Variants in DRAXIN observed in about 807,000 individuals in gnomAD.
DRAXIN encodes dorsal inhibitory axon guidance protein.
In DRAXIN, 27 loss-of-function variants were observed where a neutral mutation model predicts 33.9. The ratio of observed to expected loss-of-function variants is 0.80; its 90% CI spans 0.59 to 1.10. DRAXIN has a LOEUF of 1.10. DRAXIN is among the 50% of genes least tolerant of loss of function. The probability of loss-of-function intolerance (pLI) is 0.00; values close to 1 mark genes in which losing one functional copy is unlikely to be tolerated. For missense variants in DRAXIN, 371 were observed against 460.8 expected (o/e 0.81, Z 1.78); for synonymous variants, 178 against 194.0 (o/e 0.92, Z 0.69).
chr1:11,717,661 C>CAAA lies in DRAXIN; in HGVS notation c.938-1912_938-1910dup, dbSNP rs34363083. Among the ~76,000 whole-genome samples the CAAA allele has an allele frequency of 5.5e-3, 687 of 124,128 alleles. 7 individuals carry two copies. The highest frequency in any genetic ancestry group is 0.012 in the South Asian group (44 of 3,804). 81.4% of individuals were successfully genotyped at this position (124,128 alleles called of 152,430 possible). ...TGGGCAACAGAGAGAGACTCCGTCT[C>CAAA]AAAAAAAAAAAAAGAAAGGGTAGAC... On this transcript the variant is annotated intron_variant, in intron 6 of 6. Coordinates refer to ENST00000294485, the MANE Select transcript of DRAXIN (RefSeq NM_198545.4).
intron 2 of DRAXIN, among the ~76,000 whole-genome samples, chr1:11,708,000 C>T (rs532504886): frequency 6.6e-6 from 1 of 152,364 alleles, no homozygotes; most frequent in Admixed American, 6.5e-5. Flanking sequence ...CACCCCTTCT[C>T]GTGCAAACAG....
In DRAXIN at chr1:11,719,814, C is replaced by T; in HGVS notation, c.*118C>T. ...GATGGCTGAGGCTGCAGACTCAGGC[C>T]CAGGACACTCAACCCCAGGAGGGGA... On this transcript the variant is annotated 3_prime_UTR_variant, in exon 7 of 7. Coordinates refer to ENST00000294485, the MANE Select transcript of DRAXIN (RefSeq NM_198545.4). 1.1e-6 allele frequency: 1 copy of T among 946,534 alleles called. No individual in the cohort carries two copies. Among genetic ancestry groups the T allele is most frequent in the South Asian group, 1.5e-5 (1 of 65,546 alleles). The allele number at this position is 946,534 out of a possible 1,614,324, so 58.6% of individuals were successfully genotyped here.
Position 11,694,796 on chromosome 1 carries a change from G to T in DRAXIN, c.-11+2943G>T, listed in dbSNP as rs1469096027. ...GGCCAGTGGTCCCCAAGAAGAAGAA[G>T]GTTGTGGGAGGATGGCTGAATCCTT... On this transcript the variant is annotated intron_variant, in intron 1 of 6. Transcript: ENST00000294485. The surrounding 1 kb of genome is among the most constrained non-coding windows in gnomAD (Gnocchi z 4.9). Among the ~76,000 whole-genome samples, 3 of 152,166 alleles carry T rather than the reference G, an allele frequency of 2.0e-5. No individual in the cohort carries two copies. The highest frequency in any genetic ancestry group is 4.4e-5 in the Non-Finnish European group (3 of 68,028).
intron 5 of DRAXIN, 114 bp from the exon 6 acceptor site, chr1:11,715,005 C>T: frequency 7.8e-7 from 1 of 1,286,202 alleles, no homozygotes; most frequent in South Asian, 1.2e-5. Flanking sequence ...CCCACCCCGC[C>T]AGGGCGCGGC....
At chr1:11,699,125 C>G (rs1178379333) in intron 1 of DRAXIN, among the ~76,000 whole-genome samples, 1 of 152,194 alleles carries the variant, frequency 6.6e-6, no homozygotes. Context: ...CGTCATAGAT[C>G]ATAAATTCTC....
chr1:11,723,825 T>G lies in DRAXIN; in HGVS notation c.*4129T>G, dbSNP rs1641689478. On this transcript the variant is annotated 3_prime_UTR_variant, in exon 7 of 7. Coordinates refer to ENST00000294485, the MANE Select transcript of DRAXIN (RefSeq NM_198545.4). ...CCAGGCTGGTCTCAAACTCCTGACCTCAGGTGATCCCCCCGTCTCAGCCTC... is the reference window on the plus strand; with the variant it reads ...CCAGGCTGGTCTCAAACTCCTGACCGCAGGTGATCCCCCCGTCTCAGCCTC... 6.6e-6 allele frequency: 1 copy of G among 152,112 alleles called. No individual in the cohort carries two copies. The highest frequency in any genetic ancestry group is 2.1e-4 in the South Asian group (1 of 4,820). The allele number at this position is 152,112 out of a possible 1,614,324, so 9.4% of individuals were successfully genotyped here.
Position 11,704,910 on chromosome 1 carries a change from G to A in DRAXIN, c.-10-1339G>A, listed in dbSNP as rs913421614. Reference sequence around the variant, plus strand: ...ACTGGGTGAAGCCACCACAGACCCTGCGAGGCTGGAGAAGGTGTTTCCCCC... The same window carrying A: ...ACTGGGTGAAGCCACCACAGACCCTACGAGGCTGGAGAAGGTGTTTCCCCC... On this transcript the variant is annotated intron_variant, in intron 1 of 6. Coordinates refer to ENST00000294485, the MANE Select transcript of DRAXIN (RefSeq NM_198545.4). The surrounding 1 kb of genome is among the most constrained non-coding windows in gnomAD (Gnocchi z 4.6). Among the ~76,000 whole-genome samples the A allele has an allele frequency of 9.2e-5, 14 of 152,172 alleles. No homozygotes were observed. The highest frequency in any genetic ancestry group is 2.1e-4 in the Non-Finnish European group (14 of 68,028).
Position 11,704,014 on chromosome 1 carries a change from G to A in DRAXIN, c.-10-2235G>A, listed in dbSNP as rs887939852. 1.3e-5 allele frequency among the ~76,000 whole-genome samples: 2 copies of A among 152,158 alleles called. No individual in the cohort carries two copies. Among genetic ancestry groups the A allele is most frequent in the Non-Finnish European group, 2.9e-5 (2 of 68,020 alleles). The stretch of plus-strand genomic sequence containing the variant: ...TAGGCTGCTCACCAGGCTCAGAGGC[G>A]GCTCTGAGGTTTACTGACAGCCTTG... On this transcript the variant is annotated intron_variant, in intron 1 of 6. Transcript: ENST00000294485. This position sits in a 1 kb window ranked among gnomAD's most constrained non-coding sequence, Gnocchi z 4.6.
chr1:11,707,567 G>A (rs1348375213), intron 2 of DRAXIN, among the ~76,000 whole-genome samples: 1 of 152,180 alleles, frequency 6.6e-6, no homozygotes, highest in Non-Finnish European at 1.5e-5. Flanking sequence ...AGCTGGCAGG[G>A]CCATGAGCAG....
chr1:11,701,708 C>T (rs749732604), intron 1 of DRAXIN, among the ~76,000 whole-genome samples: 1 of 152,098 alleles, frequency 6.6e-6, no homozygotes, highest in Non-Finnish European at 1.5e-5. Flanking sequence ...TGTGAGCAAC[C>T]CGGGCCGGGC....
At chr1:11,708,572 C>T (rs1031297242) in intron 2 of DRAXIN, among the ~76,000 whole-genome samples, 1 of 151,908 alleles carries the variant, frequency 6.6e-6, no homozygotes, top group African/African-American at 2.4e-5. Flanking sequence ...GATTGAGCCC[C>T]TGCACTCCAG....
rs560201396 is a variant in DRAXIN, at chr1:11,705,542, G to A, written c.-10-707G>A. On this transcript the variant is annotated intron_variant, in intron 1 of 6. Coordinates refer to ENST00000294485, the MANE Select transcript of DRAXIN (RefSeq NM_198545.4). This position sits in a 1 kb window ranked among gnomAD's most constrained non-coding sequence, Gnocchi z 4.8. ...GGCCTCAGAGCTCATCATGAGAGGA[G>A]AAGAGAAAGGCAGAGCTGGGCCATC... is the stretch of plus-strand genomic sequence containing the variant. 5.9e-5 allele frequency among the ~76,000 whole-genome samples: 9 copies of A among 152,166 alleles called. No homozygotes were observed. The highest frequency in any genetic ancestry group is 1.2e-4 in the Non-Finnish European group (8 of 68,036).
chr1:11,709,069 T>C (rs1641434379), intron 2 of DRAXIN, among the ~76,000 whole-genome samples: 1 of 152,234 alleles, frequency 6.6e-6, no homozygotes, highest in African/African-American at 2.4e-5. Flanking sequence ...CCAGCGACAC[T>C]GCAAGTTCTT....
intron 6 of DRAXIN, among the ~76,000 whole-genome samples, chr1:11,716,399 C>A (rs1245248818): frequency 1.3e-5 from 2 of 152,202 alleles, no homozygotes; most frequent in Non-Finnish European, 2.9e-5. Context: ...GACAAGTACT[C>A]TTTTAAAAAC....
rs1641554159 is a variant in DRAXIN, at chr1:11,715,043, C to T, written c.848-76C>T. The T allele has an allele frequency of 3.3e-6, 5 of 1,538,340 alleles. No individual in the cohort carries two copies. The South Asian group carries it at 5.6e-5, about 17-fold the overall frequency. ...GCCACAGAGATGATGGATCTCTTGT[C>T]CAGTGGGACCGAGTGCAGGGCTGCG... On this transcript the variant is annotated intron_variant, in intron 5 of 6. Coordinates refer to ENST00000294485, the MANE Select transcript of DRAXIN (RefSeq NM_198545.4).
In DRAXIN at chr1:11,711,979, C is replaced by T. The variant is rs1641501278; in HGVS notation, c.757+14C>T. On this transcript the variant is annotated intron_variant, in intron 4 of 6. Coordinates refer to ENST00000294485, the MANE Select transcript of DRAXIN (RefSeq NM_198545.4). The stretch of plus-strand genomic sequence containing the variant: ...CAAAGAAGAAAGGTATGCCCACCTA[C>T]CCCACTATCTTCCATGCCTGGGTGC... The T allele has an allele frequency of 7.5e-6, 12 of 1,605,288 alleles. No individual in the cohort carries two copies. Among genetic ancestry groups the T allele is most frequent in the Non-Finnish European group, 1.0e-5 (12 of 1,174,964 alleles).
At position 11,705,113 on chromosome 1, in the gene DRAXIN, C is replaced by T. The variant is rs988259531; in HGVS notation, c.-10-1136C>T. Among the ~76,000 whole-genome samples, 9 of 152,154 alleles carry T rather than the reference C, an allele frequency of 5.9e-5. No individual in the cohort carries two copies. Among genetic ancestry groups the T allele is most frequent in the African/African-American group, 9.7e-5 (4 of 41,434 alleles). On this transcript the variant is annotated intron_variant, in intron 1 of 6. Transcript: ENST00000294485. The surrounding 1 kb of genome is among the most constrained non-coding windows in gnomAD (Gnocchi z 4.8). ...CAGGCCCACCAACCTTTTCTCAGCCCGGGACAATTATATGGCCACAAATCA... is the reference window on the plus strand; with the variant it reads ...CAGGCCCACCAACCTTTTCTCAGCCTGGGACAATTATATGGCCACAAATCA...
intron 3 of DRAXIN, among the ~76,000 whole-genome samples, chr1:11,711,298 T>C (rs942201681): frequency 2.6e-5 from 4 of 152,230 alleles, no homozygotes; most frequent in Non-Finnish European, 5.9e-5. Context: ...AAGGTGCGGT[T>C]CCTGCCCATG....
intron 3 of DRAXIN, among the ~76,000 whole-genome samples, chr1:11,710,696 C>T (rs1387115132): frequency 1.4e-5 from 2 of 146,294 alleles, no homozygotes; most frequent in Non-Finnish European, 3.0e-5. Context: ...GGGCAGATCA[C>T]AAGGTCAGGA....
Sources: gnomAD v4.1 joint callset for allele counts (sites outside exome capture counted in the v4.1 genomes callset) on GRCh38, gnomAD v4.1.1 for gene constraint, Gnocchi (gnomAD v3.1) non-coding constraint, MANE v1.5 for transcripts, NCBI Gene and HGNC (gene_info 2026-07-23, HGNC 2026-07-21) for gene names.